Variants in PSPC1 observed in about 807,000 individuals in gnomAD.
PSPC1 encodes paraspeckle protein 1.
Under a neutral mutation model 51.6 loss-of-function variants are expected in PSPC1, and 14 were observed. The observed-to-expected ratio is 0.27, with a 90% CI of 0.18 to 0.42. PSPC1 has a LOEUF of 0.42. Among genes scored for constraint, PSPC1 ranks in the 10% least tolerant of loss-of-function variants. PSPC1 has a pLI of 1.00. For synonymous variants in PSPC1, 193 were observed against 231.9 expected (o/e 0.83, Z 1.53); for missense variants, 406 against 701.1 (o/e 0.58, Z 4.75).
At chr13:19,767,810 C>T (rs1888215240) in intron 2 of PSPC1, among the ~76,000 whole-genome samples, 1 of 152,036 alleles carries the variant, frequency 6.6e-6, no homozygotes, top group Non-Finnish European at 1.5e-5. Flanking sequence ...GCTCTGCAAT[C>T]TTAAGCAAAG....
At chr13:19,718,409 G>A (rs1162462854) in intron 6 of PSPC1, among the ~76,000 whole-genome samples, 1 of 152,098 alleles carries the variant, frequency 6.6e-6, no homozygotes, top group East Asian at 1.9e-4. Flanking sequence ...TACATTGACG[G>A]AACTGCAAAT....
At chr13:19,717,533 C>T (rs1456502825) in intron 6 of PSPC1, among the ~76,000 whole-genome samples, 1 of 151,462 alleles carries the variant, frequency 6.6e-6, no homozygotes, top group Non-Finnish European at 1.5e-5. Context: ...TGGTGAAACC[C>T]ATCTCTATTA....
downstream of PSPC1, chr13:19,673,031 A>G (rs4769866): frequency 0.99 from 432,879 of 439,358 alleles, 213,589 homozygotes; most frequent in East Asian, 1. Context: ...CTCCAGCCTG[A>G]GTGACAGAAT....
chr13:19,735,203 T>C (rs773659873), intron 5 of PSPC1, among the ~76,000 whole-genome samples: 1 of 151,792 alleles, frequency 6.6e-6, no homozygotes, highest in Non-Finnish European at 1.5e-5. Context: ...TCCCAGCTAC[T>C]CGGGAGGCTG....
intron 2 of PSPC1, among the ~76,000 whole-genome samples, chr13:19,761,747 C>T (rs1399450201): frequency 3.3e-5 from 5 of 152,010 alleles, no homozygotes; most frequent in Admixed American, 3.3e-4. Flanking sequence ...CCAAAAAGGC[C>T]CAGGGCCAAA....
chr13:19,676,144 T>C (rs1876608554), intron 7 of PSPC1, among the ~76,000 whole-genome samples: 1 of 152,218 alleles, frequency 6.6e-6, no homozygotes, highest in Non-Finnish European at 1.5e-5. Flanking sequence ...CACAGACAGC[T>C]TATGTACACA....
intron 4 of PSPC1, among the ~76,000 whole-genome samples, chr13:19,742,273 A>AAC (rs974033154): frequency 5.9e-4 from 89 of 151,754 alleles, no homozygotes; most frequent in South Asian, 1.0e-3. Context: ...AAAAAAAAAA[A>AAC]AAACAAACAA....
intron 6 of PSPC1, among the ~76,000 whole-genome samples, chr13:19,723,824 A>G (rs909569469): frequency 4.6e-5 from 7 of 152,254 alleles, no homozygotes; most frequent in African/African-American, 1.2e-4. Flanking sequence ...AATTATTTTA[A>G]TGAATAAGTA....
At chr13:19,711,653 A>G (rs1593591537) in intron 6 of PSPC1, among the ~76,000 whole-genome samples, 3 of 149,346 alleles carry the variant, frequency 2.0e-5, no homozygotes, top group African/African-American at 7.3e-5. Flanking sequence ...AAAAAAAAAA[A>G]AAAAAAAAGA....
intron 6 of PSPC1, among the ~76,000 whole-genome samples, chr13:19,715,180 TTGGCACCCTCAATAATTTTTAATAGTGA>T (rs1881947911): frequency 6.6e-6 from 1 of 152,202 alleles, no homozygotes; most frequent in Admixed American, 6.5e-5. Context: ...TAGCAGGACT[TTGGCACCCTCAATAATTTTTAATAGTGA>T]TATGGAAAAT....
intron 6 of PSPC1, among the ~76,000 whole-genome samples, chr13:19,729,289 C>A (rs2137915808): frequency 6.6e-6 from 1 of 152,210 alleles, no homozygotes; most frequent in Non-Finnish European, 1.5e-5. Context: ...GTAATCCCAG[C>A]ACTTTTGGAG....
chr13:19,755,737 T>A (rs1261577609), intron 3 of PSPC1, among the ~76,000 whole-genome samples: 1 of 152,204 alleles, frequency 6.6e-6, no homozygotes, highest in Non-Finnish European at 1.5e-5. Flanking sequence ...TCAGTCGTTA[T>A]TGATTCCTTC....
chr13:19,771,094 T>C (rs918961226), intron 2 of PSPC1, among the ~76,000 whole-genome samples: 6 of 152,046 alleles, frequency 3.9e-5, no homozygotes, highest in Non-Finnish European at 5.9e-5. Context: ...GAGACTACTG[T>C]GCACTCCACC....
chr13:19,722,253 T>C (rs1399762055), intron 6 of PSPC1, among the ~76,000 whole-genome samples: 1 of 151,688 alleles, frequency 6.6e-6, no homozygotes, highest in Non-Finnish European at 1.5e-5. Context: ...TCCCAGCACT[T>C]TGGGAGGCAG....
At chr13:19,671,384 G>A (rs113584211), downstream of PSPC1, 15 of 1,129,114 alleles carry the variant, frequency 1.3e-5, no homozygotes, top group African/African-American at 2.2e-4. Context: ...GAATCCTGGT[G>A]TACCTGTCCT....
chr13:19,730,041 C>T (rs1449311798), intron 6 of PSPC1, among the ~76,000 whole-genome samples, 198 bp downstream of exon 6: 1 of 152,094 alleles, frequency 6.6e-6, no homozygotes, highest in African/African-American at 2.4e-5. Flanking sequence ...ACATCCACTT[C>T]ATAAAACATA....
At chr13:19,763,976 C>T (rs867560839) in intron 2 of PSPC1, among the ~76,000 whole-genome samples, 1 of 151,998 alleles carries the variant, frequency 6.6e-6, no homozygotes, top group South Asian at 2.1e-4. Context: ...GCACTCCAGC[C>T]TGGGCAGCAG....
chr13:19,777,879 G>C (rs1889333498), intron 1 of PSPC1, among the ~76,000 whole-genome samples: 1 of 152,028 alleles, frequency 6.6e-6, no homozygotes, highest in Non-Finnish European at 1.5e-5. Context: ...CAGGGAGGCA[G>C]AGGTTGCAGT....
chr13:19,722,330 CTACAAAAAAAATGTTTT>C (rs983602849), intron 6 of PSPC1, among the ~76,000 whole-genome samples: 1 of 151,760 alleles, frequency 6.6e-6, no homozygotes, highest in African/African-American at 2.4e-5. Flanking sequence ...GACTCCAACT[CTACAAAAAAAATGTTTT>C]TAATTAGGAG....
Sources: allele counts gnomAD v4.1 joint callset (sites outside exome capture counted in the v4.1 genomes callset), GRCh38; gene constraint gnomAD v4.1.1; transcripts MANE v1.5; gene names NCBI Gene and HGNC (gene_info 2026-07-23, HGNC 2026-07-21).